Variants in SRRM4 observed in about 807,000 individuals in gnomAD.
SRRM4 encodes serine/arginine repetitive matrix protein 4.
SRRM4 carries 33 observed loss-of-function variants against 68.9 expected under a neutral mutation model. That is an observed-to-expected ratio of 0.48 (90% CI 0.36 to 0.64). The LOEUF (loss-of-function observed/expected upper bound fraction) is 0.64, where lower values mean the gene tolerates loss of function less well. SRRM4 is among the 30% of genes least tolerant of loss of function. The pLI is 0.00. For synonymous variants in SRRM4, 318 were observed against 318.8 expected (o/e 1.00, Z 0.03); for missense variants, 817 against 827.1 (o/e 0.99, Z 0.15).
chr12:119,114,352 A>G lies in SRRM4; in HGVS notation c.353A>G (p.Lys118Arg), dbSNP rs1373734764. ...GKKKKKKSTRKKRRRSSSYSP... is the reference protein window; with the variant it reads ...GKKKKKKSTRRKRRRSSSYSP... ...AAGAAAAAGAAGAAATCCACTCGGAAGAAGAGAAGGAGGTAAGAGCACCAA... is the reference window on the plus strand; with the variant it reads ...AAGAAAAAGAAGAAATCCACTCGGAGGAAGAGAAGGAGGTAAGAGCACCAA... Residue 118 changes from lysine to arginine, a missense_variant, in exon 3 of 13, where the codon AAG becomes AGG. Transcript: ENST00000267260. 1 of 1,607,506 alleles carries G rather than the reference A, an allele frequency of 6.2e-7. No homozygotes were observed. The highest frequency in any genetic ancestry group is 8.5e-7 in the Non-Finnish European group (1 of 1,176,882).
intron 7 of SRRM4, among the ~76,000 whole-genome samples, chr12:119,126,596 C>G (rs7311511): frequency 0.56 from 84,482 of 152,020 alleles, 23,717 homozygotes; most frequent in South Asian, 0.63. Flanking sequence ...GCCTTTTCAA[C>G]TCAGTTTTCT....
At chr12:119,099,265 G>T (rs1253338591) in intron 1 of SRRM4, among the ~76,000 whole-genome samples, 2 of 152,138 alleles carry the variant, frequency 1.3e-5, no homozygotes, top group Admixed American at 6.5e-5. Context: ...CTCCTGAGTA[G>T]CTGGGATTAC....
chr12:119,151,678 T>A (rs1230132989), intron 10 of SRRM4, among the ~76,000 whole-genome samples: 1 of 152,138 alleles, frequency 6.6e-6, no homozygotes, highest in Non-Finnish European at 1.5e-5. Context: ...GGCTCACTCA[T>A]ACGCCTTTGA....
chr12:119,139,171 G>A lies in SRRM4; in HGVS notation c.772-6210G>A, dbSNP rs555073563. Among the ~76,000 whole-genome samples the A allele has an allele frequency of 2.0e-5, 3 of 152,322 alleles. No individual in the cohort carries two copies. The South Asian group carries it at 6.2e-4, about 32-fold the overall frequency. On this transcript the variant is annotated intron_variant, in intron 8 of 12. Transcript: ENST00000267260. ...ACCATCCTGTTGTATCAATGTCGGAGGGGGGTGACTGTTTGCACCTTATGT... is the reference window on the plus strand; with the variant it reads ...ACCATCCTGTTGTATCAATGTCGGAAGGGGGTGACTGTTTGCACCTTATGT...
chr12:119,151,303 G>A, intron 10 of SRRM4, 83 bp downstream of exon 10: 1 of 1,313,634 alleles, frequency 7.6e-7, no homozygotes, highest in Non-Finnish European at 1.1e-6. Flanking sequence ...GACCCATGGG[G>A]GAGAGAAGTC....
chr12:119,110,360 C>T (rs1489380527), intron 2 of SRRM4, among the ~76,000 whole-genome samples: 4 of 152,158 alleles, frequency 2.6e-5, no homozygotes, highest in African/African-American at 4.8e-5. Flanking sequence ...AACTGTCAGA[C>T]AGGGACATTT....
At chr12:119,055,193 G>A (rs889560188) in intron 1 of SRRM4, among the ~76,000 whole-genome samples, 4 of 152,074 alleles carry the variant, frequency 2.6e-5, no homozygotes, top group African/African-American at 9.7e-5. Context: ...AGATTTATGG[G>A]CTACACAGGA....
At chr12:119,027,036 T>G (rs2136004276) in intron 1 of SRRM4, among the ~76,000 whole-genome samples, 1 of 152,222 alleles carries the variant, frequency 6.6e-6, no homozygotes. Context: ...ATTTAGATGC[T>G]TCCTTTATTC....
rs1405008100 is a variant in SRRM4 at position 118,982,000 on chromosome 12, A to C, written c.118A>C (p.Lys40Gln). ...CATTGTCGCCAGTATCACGGCCCGC[A>C]AGCCGCTGCCAAGGTAATGATCTCC... The part of the protein sequence containing the change: ...SIIVASITAR[K>Q]PLPRTEPQNN... Residue 40 changes from lysine to glutamine, a missense_variant, in exon 1 of 13, where the codon AAG becomes CAG. Transcript: ENST00000267260. 1 of 1,610,004 alleles carries C rather than the reference A, an allele frequency of 6.2e-7. No homozygotes were observed. Among genetic ancestry groups the C allele is most frequent in the Admixed American group, 1.7e-5 (1 of 59,606 alleles).
At chr12:119,020,478 G>A (rs1953509632) in intron 1 of SRRM4, among the ~76,000 whole-genome samples, 1 of 152,196 alleles carries the variant, frequency 6.6e-6, no homozygotes, top group African/African-American at 2.4e-5. Flanking sequence ...TAAACCCAGT[G>A]GCCCCGGGCA....
At chr12:119,122,161 A>G (rs367557008) in intron 6 of SRRM4, 41 bp downstream of exon 6, 2 of 1,400,336 alleles carry the variant, frequency 1.4e-6, no homozygotes, top group Non-Finnish European at 2.0e-6. Context: ...CAGTTTGAGG[A>G]GTTGGGGCAT....
intron 1 of SRRM4, among the ~76,000 whole-genome samples, chr12:119,019,118 G>A (rs1488221998): frequency 6.6e-6 from 1 of 152,120 alleles, no homozygotes; most frequent in East Asian, 1.9e-4. Flanking sequence ...GAATCTCCTT[G>A]CCACAATGCC....
At chr12:119,142,633 T>C (rs867571504) in intron 8 of SRRM4, among the ~76,000 whole-genome samples, 2,623 of 152,186 alleles carry the variant, frequency 0.017, 79 homozygotes, top group African/African-American at 0.059. Context: ...TAATGAAAAT[T>C]ATTGTACTCA....
rs749880139 is a variant in SRRM4, at chr12:119,156,706, CGGAGCCGGAGCA to C, written c.1756_1767del (p.Arg592_Ser595del). 6 of 1,547,684 alleles carry C rather than the reference CGGAGCCGGAGCA, an allele frequency of 3.9e-6. No homozygotes were observed. Among genetic ancestry groups the C allele is most frequent in the African/African-American group, 2.7e-5 (2 of 72,848 alleles). ...CAGCCCTAGTCCGGGCTCCCGCAGCCGGAGCCGGAGCAGGAGCCGGAGCCGGAGCCGGAGCAG... is the reference window on the plus strand; with the variant it reads ...CAGCCCTAGTCCGGGCTCCCGCAGCCGGAGCCGGAGCCGGAGCCGGAGCAG... On this transcript the variant is annotated inframe_deletion, in exon 13 of 13. Transcript: ENST00000267260.
intron 1 of SRRM4, among the ~76,000 whole-genome samples, chr12:119,002,145 C>T (rs1435567953): frequency 6.6e-6 from 1 of 151,706 alleles, no homozygotes; most frequent in African/African-American, 2.4e-5. Context: ...TTAAACATGA[C>T]GATAGACGAA....
rs572423600 is a variant in SRRM4, at chr12:119,060,580, T to G, written c.132-41656T>G. Among the ~76,000 whole-genome samples the G allele has an allele frequency of 7.6e-4, 115 of 151,852 alleles. 1 individual carries two copies. Among genetic ancestry groups the G allele is most frequent in the African/African-American group, 2.8e-3 (114 of 41,420 alleles). On this transcript the variant is annotated intron_variant, in intron 1 of 12. Transcript: ENST00000267260. ...CAGGTCTCTGAGTGTTCTGTAGGAA[T>G]TAGTAGAGTTTGTGTATTATCTGTA...
At chr12:119,068,348 T>A (rs1953858599) in intron 1 of SRRM4, among the ~76,000 whole-genome samples, 1 of 152,192 alleles carries the variant, frequency 6.6e-6, no homozygotes, top group African/African-American at 2.4e-5. Flanking sequence ...ATAGCCATCA[T>A]CATCACTATT....
At chr12:119,016,446 G>A (rs763164907) in intron 1 of SRRM4, among the ~76,000 whole-genome samples, 2 of 146,660 alleles carry the variant, frequency 1.4e-5, no homozygotes, top group African/African-American at 2.5e-5. Flanking sequence ...AATTCAATAC[G>A]ATGTAATTAA....
At chr12:119,108,264 T>C (rs1172617969) in intron 2 of SRRM4, among the ~76,000 whole-genome samples, 6 of 152,234 alleles carry the variant, frequency 3.9e-5, no homozygotes, top group Non-Finnish European at 7.3e-5. Flanking sequence ...ATAAGTGCGA[T>C]GTGGTGCTGA....
Sources: allele counts gnomAD v4.1 joint callset (sites outside exome capture counted in the v4.1 genomes callset), GRCh38; gene constraint gnomAD v4.1.1; transcripts MANE v1.5; gene names NCBI Gene and HGNC (gene_info 2026-07-23, HGNC 2026-07-21).